The following KCNQ5 variants were observed in gnomAD, a reference collection of about 807,000 sequenced individuals.
KCNQ5 encodes potassium voltage-gated channel subfamily Q member 5.
In KCNQ5, 30 loss-of-function variants were observed where a neutral mutation model predicts 98.2. That is an observed-to-expected ratio of 0.31 (90% CI 0.23 to 0.41). The LOEUF (loss-of-function observed/expected upper bound fraction) is 0.41. KCNQ5 is among the 10% of genes least tolerant of loss of function. KCNQ5 has a pLI of 1.00. For missense variants in KCNQ5, 835 were observed against 1,182.5 expected (o/e 0.71, Z 4.31); for synonymous variants, 458 against 449.4 (o/e 1.02, Z -0.24).
chr6:72,688,801 A>G (rs1329515302), intron 1 of KCNQ5, among the ~76,000 whole-genome samples: 1 of 152,226 alleles, frequency 6.6e-6, no homozygotes, highest in African/African-American at 2.4e-5. Flanking sequence ...ATAATGCAAA[A>G]TGTCTATGAT....
chr6:73,131,983 G>A (rs1185053212), intron 9 of KCNQ5, among the ~76,000 whole-genome samples: 1 of 152,198 alleles, frequency 6.6e-6, no homozygotes, highest in Non-Finnish European at 1.5e-5. Flanking sequence ...CTGACCACCA[G>A]TTCATGATTT....
chr6:73,142,566 C>G (rs546071974), intron 10 of KCNQ5, among the ~76,000 whole-genome samples: 2 of 151,666 alleles, frequency 1.3e-5, no homozygotes, highest in Non-Finnish European at 2.9e-5. Flanking sequence ...AGTGCAGACT[C>G]TCAAAAGGAA....
chr6:72,952,239 A>G (rs1290949512), intron 1 of KCNQ5, among the ~76,000 whole-genome samples: 1 of 152,252 alleles, frequency 6.6e-6, no homozygotes, highest in Non-Finnish European at 1.5e-5. Context: ...TTGTGCATGT[A>G]CACAGACACA....
chr6:72,854,111 G>A (rs1271494689), intron 1 of KCNQ5, among the ~76,000 whole-genome samples: 1 of 152,120 alleles, frequency 6.6e-6, no homozygotes, highest in Non-Finnish European at 1.5e-5. Context: ...GAACGCTTAA[G>A]AACCTGCATG....
At chr6:72,852,479 G>A (rs1777302296) in intron 1 of KCNQ5, among the ~76,000 whole-genome samples, 1 of 150,060 alleles carries the variant, frequency 6.7e-6, no homozygotes, top group Non-Finnish European at 1.5e-5. Flanking sequence ...TGGAACTGGA[G>A]GCCATTATGT....
chr6:72,871,145 C>T (rs77739278), intron 1 of KCNQ5, among the ~76,000 whole-genome samples: 2,130 of 152,196 alleles, frequency 0.014, 40 homozygotes, highest in African/African-American at 0.049. Context: ...ATTATCACCA[C>T]GAGCTTTTGA....
At chr6:73,107,124 G>A (rs1775034740) in intron 6 of KCNQ5, among the ~76,000 whole-genome samples, 2 of 152,126 alleles carry the variant, frequency 1.3e-5, no homozygotes, top group South Asian at 4.1e-4. Context: ...CCAAAATAAT[G>A]GCACAAAATA....
intron 1 of KCNQ5, among the ~76,000 whole-genome samples, chr6:72,814,260 C>T (rs771876371): frequency 6.6e-6 from 1 of 152,156 alleles, no homozygotes; most frequent in Non-Finnish European, 1.5e-5. Flanking sequence ...GGTGGTGCTC[C>T]TCCACCGCAG....
At chr6:72,707,931 C>T (rs950500388) in intron 1 of KCNQ5, among the ~76,000 whole-genome samples, 2 of 152,140 alleles carry the variant, frequency 1.3e-5, no homozygotes, top group African/African-American at 4.8e-5. Context: ...ACAATCCTCC[C>T]ACCTTGGCTT....
intron 1 of KCNQ5, among the ~76,000 whole-genome samples, chr6:72,937,867 C>A (rs1766019726): frequency 6.6e-6 from 1 of 151,618 alleles, no homozygotes; most frequent in Non-Finnish European, 1.5e-5. Flanking sequence ...TTATGTAGAC[C>A]CCAAGTTTTC....
Position 72,660,468 on chromosome 6 carries a change from C to T in KCNQ5, c.398+37881C>T, listed in dbSNP as rs528752538. Among the ~76,000 whole-genome samples the T allele has an allele frequency of 3.0e-4, 45 of 150,452 alleles. 1 individual carries two copies. Among genetic ancestry groups the T allele is most frequent in the Non-Finnish European group, 1.0e-4 (7 of 68,030 alleles). Reference sequence around the variant, plus strand: ...CCCTTTTTATCAATGAAAAGGCCAACAATAACATGTGCCATATTTTGAAGG... The same window carrying T: ...CCCTTTTTATCAATGAAAAGGCCAATAATAACATGTGCCATATTTTGAAGG... On this transcript the variant is annotated intron_variant, in intron 1 of 13. Transcript: ENST00000370398.
chr6:72,866,079 A>G (rs1777965863), intron 1 of KCNQ5, among the ~76,000 whole-genome samples: 2 of 152,254 alleles, frequency 1.3e-5, no homozygotes, highest in Admixed American at 1.3e-4. Context: ...CAGGAATACT[A>G]AGACTTAAGT....
At chr6:72,928,107 G>A (rs770602349) in intron 1 of KCNQ5, among the ~76,000 whole-genome samples, 7 of 152,082 alleles carry the variant, frequency 4.6e-5, no homozygotes, top group Non-Finnish European at 1.0e-4. Context: ...AAGCAGACAG[G>A]TGAGGTTACC....
At chr6:73,151,188 C>T (rs1455628938) in intron 10 of KCNQ5, among the ~76,000 whole-genome samples, 1 of 152,010 alleles carries the variant, frequency 6.6e-6, no homozygotes, top group Non-Finnish European at 1.5e-5. Flanking sequence ...TGATATAAGC[C>T]CTTTGTTACA....
At chr6:73,080,171 C>T (rs997755899) in intron 5 of KCNQ5, among the ~76,000 whole-genome samples, 26 of 152,082 alleles carry the variant, frequency 1.7e-4, no homozygotes, top group South Asian at 4.1e-4. Context: ...ATAACCCACA[C>T]GGTAGGTTTT....
At chr6:73,136,707 G>A (rs1237519031) in intron 10 of KCNQ5, 1 of 152,140 alleles carries the variant, frequency 6.6e-6, no homozygotes, top group East Asian at 1.9e-4. Flanking sequence ...TGAATTCAAT[G>A]TTGCGTCTTG....
intron 1 of KCNQ5, chr6:72,986,940 A>C: frequency 1.2e-6 from 1 of 844,828 alleles, no homozygotes; most frequent in Non-Finnish European, 2.0e-6. Context: ...GCCTTGGGGC[A>C]GATAACGGAA....
rs918208987 is a variant in KCNQ5 at position 73,186,731 on chromosome 6, G to A, written c.1578-3842G>A. On this transcript the variant is annotated intron_variant, in intron 11 of 13. Transcript: ENST00000370398. ...ATATTACCTTTATTTTTAATATAATGTACTTGATTGTAAGTCTATGTAATT... is the reference window on the plus strand; with the variant it reads ...ATATTACCTTTATTTTTAATATAATATACTTGATTGTAAGTCTATGTAATT... Among the ~76,000 whole-genome samples the A allele has an allele frequency of 4.8e-4, 73 of 152,170 alleles. 1 individual carries two copies. Among genetic ancestry groups the A allele is most frequent in the African/African-American group, 1.6e-3 (68 of 41,518 alleles).
At position 72,759,513 on chromosome 6, in the gene KCNQ5, A is replaced by G. The variant is rs529928567; in HGVS notation, c.398+136926A>G. Among the ~76,000 whole-genome samples, 4 of 152,234 alleles carry G rather than the reference A, an allele frequency of 2.6e-5. No homozygotes were observed. In the South Asian group the frequency reaches 8.3e-4, roughly 32 times the overall value. On this transcript the variant is annotated intron_variant, in intron 1 of 13. Coordinates refer to ENST00000370398, the MANE Select transcript of KCNQ5 (RefSeq NM_019842.4). ...ATCATGCTGTGGCATGTTTTGGAAT[A>G]ATTATATCTGGCAGAGGCATCACTC...
Sources: gnomAD v4.1 joint callset for allele counts (sites outside exome capture counted in the v4.1 genomes callset) on GRCh38, gnomAD v4.1.1 for gene constraint, MANE v1.5 for transcripts, NCBI Gene and HGNC (gene_info 2026-07-23, HGNC 2026-07-21) for gene names.